Variants in THSD7B observed in about 807,000 individuals in gnomAD.
THSD7B encodes the protein thrombospondin type-1 domain-containing protein 7B.
In THSD7B, 138 loss-of-function variants were observed where a neutral mutation model predicts 213.6. The observed-to-expected ratio is 0.65, with a 90% CI of 0.56 to 0.74. THSD7B has a LOEUF of 0.74. THSD7B is among the 30% of genes least tolerant of loss of function. The pLI is 0.00. For synonymous variants in THSD7B, 742 were observed against 687.0 expected, an observed-to-expected ratio of 1.08 and a Z score of -1.25; for missense variants, 1,931 against 1,991.5, an observed-to-expected ratio of 0.97 and a Z score of 0.58.
rs576137075 is a variant in THSD7B, at chr2:136,846,988, C to T, written c.-35-35156C>T. ...AGCTTAGTTCTGGCCACAGGAGAAA[C>T]ATTTGAAAAATCTTTCATTGAATAT... On this transcript the variant is annotated intron_variant, in intron 1 of 27. Transcript: ENST00000409968. Among the ~76,000 whole-genome samples the T allele has an allele frequency of 2.5e-4, 38 of 152,122 alleles. No individual in the cohort carries two copies. In the South Asian group the frequency reaches 7.5e-3, roughly 30 times the overall value.
At chr2:137,032,984 T>G (rs748488614) in intron 2 of THSD7B, among the ~76,000 whole-genome samples, 4 of 152,216 alleles carry the variant, frequency 2.6e-5, no homozygotes, top group Non-Finnish European at 5.9e-5. Flanking sequence ...CTAAAACATC[T>G]TTATGTTTAT....
intron 3 of THSD7B, among the ~76,000 whole-genome samples, chr2:137,058,673 T>C (rs1439563133): frequency 6.6e-6 from 1 of 152,224 alleles, no homozygotes; most frequent in Admixed American, 6.5e-5. Context: ...CCCAAATTTA[T>C]GTATCGAAAT....
intron 1 of THSD7B, among the ~76,000 whole-genome samples, chr2:136,778,707 TA>T: frequency 6.6e-6 from 1 of 152,238 alleles, no homozygotes; most frequent in Non-Finnish European, 1.5e-5. Flanking sequence ...TTTTCCTCAT[TA>T]AAAAAATCTG....
chr2:137,004,296 TACACACACACACACACAC>T (rs34674642), intron 2 of THSD7B, among the ~76,000 whole-genome samples: 173 of 131,574 alleles, frequency 1.3e-3, no homozygotes, highest in Non-Finnish European at 1.6e-3. Flanking sequence ...TGTGCACACG[TACACACACACACACACAC>T]ACACACACAC....
intron 12 of THSD7B, among the ~76,000 whole-genome samples, chr2:137,342,236 C>T (rs1331452570): frequency 1.3e-5 from 2 of 151,374 alleles, no homozygotes; most frequent in African/African-American, 4.8e-5. Flanking sequence ...TAAACTTATT[C>T]CCAAATTTAT....
Position 137,436,529 on chromosome 2 carries a change from G to A in THSD7B, c.2960-14316G>A, listed in dbSNP as rs557560623. On this transcript the variant is annotated intron_variant, in intron 14 of 27. Coordinates refer to ENST00000409968, the MANE Select transcript of THSD7B (RefSeq NM_001316349.2). ...TTGTAGATTAGTTTTTATTTGGGGA[G>A]CAGTGCATGGTATTCCATCTTTTGC... Among the ~76,000 whole-genome samples the A allele has an allele frequency of 2.6e-5, 4 of 152,174 alleles. No homozygotes were observed. In the South Asian group the frequency reaches 8.3e-4, roughly 32 times the overall value.
intron 4 of THSD7B, among the ~76,000 whole-genome samples, chr2:137,110,015 T>C (rs959671582): frequency 1.3e-5 from 2 of 152,170 alleles, no homozygotes; most frequent in Admixed American, 6.5e-5. Context: ...GCTGCCCTTT[T>C]CTCTGCCCAG....
chr2:137,034,499 A>G (rs1052069645), intron 2 of THSD7B, among the ~76,000 whole-genome samples: 1 of 152,110 alleles, frequency 6.6e-6, no homozygotes, highest in Non-Finnish European at 1.5e-5. Flanking sequence ...CATGGGCCGA[A>G]GTGGTTTGCT....
chr2:137,275,601 T>G (rs1421551656), intron 11 of THSD7B, among the ~76,000 whole-genome samples: 1 of 151,836 alleles, frequency 6.6e-6, no homozygotes, highest in Non-Finnish European at 1.5e-5. Context: ...CCCTCCAGAC[T>G]GATCAGTGCC....
intron 2 of THSD7B, among the ~76,000 whole-genome samples, chr2:136,922,551 T>C (rs547005865): frequency 1.1e-4 from 16 of 152,348 alleles, no homozygotes; most frequent in African/African-American, 3.6e-4. Flanking sequence ...TAAGCTTCTC[T>C]ATTTTTGTAT....
At chr2:136,890,341 T>C (rs1477983805) in intron 2 of THSD7B, among the ~76,000 whole-genome samples, 1 of 10,002 alleles carries the variant, frequency 1.0e-4, no homozygotes, top group African/African-American at 3.2e-4. Context: ...CTTCTTCTTC[T>C]TCTTCTTCTT....
At position 137,659,890 on chromosome 2, in the gene THSD7B, C is replaced by G. The variant is rs16839267; in HGVS notation, c.4458+144C>G. The G allele has an allele frequency of 8.1e-3, 5,167 of 640,440 alleles. 187 individuals are homozygous for G. The African/African-American group carries it at 0.086, about 11-fold the overall frequency. The allele number at this position is 640,440 out of a possible 1,614,324, so 39.7% of individuals were successfully genotyped here. A position where few individuals can be genotyped will look rare whatever the true frequency, so the allele number is the denominator to read the frequency against. Reference sequence around the variant, plus strand: ...CTAGAGGCATTTGCAGGAGTAATCCCAGTTATAAAGAATTTCTCGTCAGGA... The same window carrying G: ...CTAGAGGCATTTGCAGGAGTAATCCGAGTTATAAAGAATTTCTCGTCAGGA... On this transcript the variant is annotated intron_variant, in intron 25 of 27. Transcript: ENST00000409968.
intron 3 of THSD7B, among the ~76,000 whole-genome samples, chr2:137,068,687 A>G (rs1443023648): frequency 6.6e-6 from 1 of 152,080 alleles, no homozygotes; most frequent in Admixed American, 6.6e-5. Context: ...CCCTAAAATT[A>G]TTATAATTTG....
At chr2:137,072,505 T>G (rs549893010) in intron 3 of THSD7B, among the ~76,000 whole-genome samples, 5,545 of 152,212 alleles carry the variant, frequency 0.036, 339 homozygotes, top group African/African-American at 0.13. Flanking sequence ...GATTTTGGGC[T>G]GAGATGATGG....
intron 15 of THSD7B, among the ~76,000 whole-genome samples, chr2:137,475,540 T>TA (rs1333149888): frequency 2.6e-5 from 4 of 152,192 alleles, no homozygotes; most frequent in Non-Finnish European, 5.9e-5. Flanking sequence ...TTCCATGAGA[T>TA]ACGCTATTTT....
intron 1 of THSD7B, among the ~76,000 whole-genome samples, chr2:136,801,469 A>G (rs533456993): frequency 1.3e-5 from 2 of 152,150 alleles, no homozygotes; most frequent in East Asian, 3.9e-4. Context: ...AGAAAGCAAA[A>G]TGATAGGGCT....
chr2:137,014,381 G>C (rs1280220966), intron 2 of THSD7B, among the ~76,000 whole-genome samples: 1 of 152,192 alleles, frequency 6.6e-6, no homozygotes, highest in Admixed American at 6.5e-5. Flanking sequence ...TCGGGCACCT[G>C]CATGATGGTG....
At chr2:137,549,410 C>T (rs1246874143) in intron 15 of THSD7B, among the ~76,000 whole-genome samples, 3 of 144,282 alleles carry the variant, frequency 2.1e-5, no homozygotes, top group Non-Finnish European at 4.5e-5. Flanking sequence ...CTCACTCACT[C>T]AATCTATCTA....
chr2:136,923,656 G>T (rs1684473593), intron 2 of THSD7B, among the ~76,000 whole-genome samples: 2 of 152,046 alleles, frequency 1.3e-5, no homozygotes, highest in African/African-American at 4.8e-5. Flanking sequence ...ATTCTAATGG[G>T]GGCGAGGTGT....
Sources: gnomAD v4.1 joint callset for allele counts (sites outside exome capture counted in the v4.1 genomes callset) on GRCh38, gnomAD v4.1.1 for gene constraint, MANE v1.5 for transcripts, NCBI Gene and HGNC (gene_info 2026-07-23, HGNC 2026-07-21) for gene names.